Variants in DRP2 observed in about 807,000 individuals in gnomAD.
DRP2 encodes dystrophin related protein 2, also known as dystrophin-related protein 2.
Under a neutral mutation model 78.2 loss-of-function variants are expected in DRP2, and 29 were observed. That is an observed-to-expected ratio of 0.37 (90% CI 0.28 to 0.51). DRP2 has a LOEUF of 0.51. Among genes scored for constraint, DRP2 ranks in the 20% least tolerant of loss-of-function variants. The probability of loss-of-function intolerance (pLI) is 0.94; values close to 1 mark genes in which losing one functional copy is unlikely to be tolerated. For missense variants in DRP2, 686 were observed against 770.6 expected (o/e 0.89, Z 1.30); for synonymous variants, 290 against 281.9 (o/e 1.03, Z -0.29).
At chrX:101,238,324 G>A (rs1276513982) in intron 5 of DRP2, among the ~76,000 whole-genome samples, 2 of 111,357 alleles carry the variant, frequency 1.8e-5, no homozygotes, top group African/African-American at 3.3e-5. Context: ...CTATAACCAC[G>A]TGCCACAGCA....
intron 10 of DRP2, 56 bp from the exon 11 acceptor site, chrX:101,245,332 G>A: frequency 9.1e-7 from 1 of 1,093,680 alleles, no homozygotes; most frequent in Non-Finnish European, 1.2e-6. Flanking sequence ...GCACATCTGA[G>A]TGTGGGGGTG....
Position 101,242,358 on chromosome X carries a change from G to A in DRP2, c.862G>A (p.Gly288Arg), listed in dbSNP as rs769890866. The A allele has an allele frequency of 1.7e-6, 2 of 1,211,175 alleles. No individual in the cohort carries two copies. The highest frequency in any genetic ancestry group is 1.1e-6 in the Non-Finnish European group (1 of 895,369). Reference protein sequence around the residue: ...FKEEFSPMKDGVKLVNDLAHQ... With the variant: ...FKEEFSPMKDRVKLVNDLAHQ... ...AGAAGAATTCTCCCCCATGAAAGAT[G>A]GAGTAAAGTTGGTGAATGATCTGGC... is the stretch of plus-strand genomic sequence containing the variant. The change falls in exon 8 of 24, where the codon GGA (glycine) becomes AGA (arginine). Residue 288 changes from glycine (G) to arginine (R), a missense_variant. Transcript: ENST00000395209.
At chrX:101,224,855 G>C (rs2147327672) in intron 2 of DRP2, 149 bp downstream of exon 2, 1 of 112,508 alleles carries the variant, frequency 8.9e-6, no homozygotes, top group Non-Finnish European at 1.9e-5. Context: ...ATAATGCTGT[G>C]ATATGTCTCA....
Position 101,261,635 on chromosome X carries a change from C to G in DRP2, c.*1014C>G, listed in dbSNP as rs1244393684. ...AGGTGAGGTGGCTGATTGTCCCCAGCTAATCATAAGGCATTTGCAACTGGC... is the reference window on the plus strand; with the variant it reads ...AGGTGAGGTGGCTGATTGTCCCCAGGTAATCATAAGGCATTTGCAACTGGC... On this transcript the variant is annotated 3_prime_UTR_variant, in exon 24 of 24. Transcript: ENST00000395209. 1.8e-5 allele frequency: 2 copies of G among 112,165 alleles called. No individual in the cohort carries two copies. The highest frequency in any genetic ancestry group is 1.9e-4 in the Admixed American group (2 of 10,575). 9.2% of individuals were successfully genotyped at this position (112,165 alleles called of 1,213,427 possible).
chrX:101,236,784 T>G (rs1448389658), intron 4 of DRP2, among the ~76,000 whole-genome samples: 1 of 112,510 alleles, frequency 8.9e-6, no homozygotes, highest in Non-Finnish European at 1.9e-5. Flanking sequence ...GGGAACCTAC[T>G]TACCCTTTCT....
At chrX:101,247,608 A>G (rs1922976090) in intron 12 of DRP2, among the ~76,000 whole-genome samples, 1 of 111,638 alleles carries the variant, frequency 9.0e-6, no homozygotes, top group South Asian at 3.8e-4. Flanking sequence ...TGGCTCAGGC[A>G]TGTCTGGCTA....
intron 14 of DRP2, 89 bp downstream of exon 14, chrX:101,248,688 C>T (rs1459299899): frequency 2.2e-5 from 18 of 824,831 alleles, no homozygotes; most frequent in Non-Finnish European, 3.2e-5. Flanking sequence ...GCAGAAAGTA[C>T]ATCTTGTGAC....
chrX:101,252,777 C>A, intron 17 of DRP2, 61 bp downstream of exon 17: 1 of 943,107 alleles, frequency 1.1e-6, no homozygotes, highest in Non-Finnish European at 1.5e-6. Flanking sequence ...GGCCTTGATC[C>A]ACTTTGCCCA....
Position 101,262,575 on chromosome X carries a change from C to G in DRP2, c.*1954C>G, listed in dbSNP as rs1272018057. On this transcript the variant is annotated 3_prime_UTR_variant, in exon 24 of 24. Coordinates refer to ENST00000395209, the MANE Select transcript of DRP2 (RefSeq NM_001939.3). The stretch of plus-strand genomic sequence containing the variant: ...AGAACTGCTAGGAACCTAGTTTGAT[C>G]TGCTGCAGGGGAGGCAGGGCAGTGG... 1 of 111,045 alleles carries G rather than the reference C, an allele frequency of 9.0e-6. No homozygotes were observed. The highest frequency in any genetic ancestry group is 2.9e-4 in the East Asian group (1 of 3,506). 9.2% of individuals were successfully genotyped at this position (111,045 alleles called of 1,213,427 possible).
At chrX:101,227,714 CA>C (rs763698340) in intron 2 of DRP2, among the ~76,000 whole-genome samples, 1 of 112,192 alleles carries the variant, frequency 8.9e-6, no homozygotes, top group Non-Finnish European at 1.9e-5. Flanking sequence ...AGGTCACAGT[CA>C]GGGGCAAAGT....
intron 14 of DRP2, 131 bp from the exon 15 acceptor site, chrX:101,250,292 T>A: frequency 1.1e-6 from 1 of 900,646 alleles, no homozygotes. Context: ...TAGACCTCTA[T>A]GTAGTCCAGT....
chrX:101,260,139 G>A lies in DRP2; in HGVS notation c.2719G>A (p.Gly907Arg), dbSNP rs575075803. Residue 907 changes from glycine to arginine, a missense_variant, in exon 23 of 24, where the codon GGA becomes AGA. By Grantham distance (125) the Gly-to-Arg change is moderately radical (BLOSUM62 -2). Coordinates refer to ENST00000395209, the MANE Select transcript of DRP2 (RefSeq NM_001939.3). ...QSEGSHPREK[G>R]QTTPDTEAAD... ...AGAAGGCAGTCACCCCCGGGAGAAG[G>A]GACAGACTACTCCAGATACCGAGGC... 31 of 1,209,275 alleles carry A rather than the reference G, an allele frequency of 2.6e-5. No individual in the cohort carries two copies. In the South Asian group the frequency reaches 5.1e-4, roughly 20 times the overall value.
At chrX:101,222,271 A>T (rs1921919115) in intron 1 of DRP2, among the ~76,000 whole-genome samples, 1 of 111,818 alleles carries the variant, frequency 8.9e-6, no homozygotes. Context: ...TATGGAAAAC[A>T]CTTTTTGCCT....
rs771476479 is a variant in DRP2, at chrX:101,235,912, C to T, written c.170C>T (p.Pro57Leu). 21 of 1,211,601 alleles carry T rather than the reference C, an allele frequency of 1.7e-5. No individual in the cohort carries two copies. Among genetic ancestry groups the T allele is most frequent in the South Asian group, 3.5e-5 (2 of 56,937 alleles). ...CCTCCTCAAGATGGTGCTGGGGTTC[C>T]CTGCCTAAGCCTAAAGCTGTTGAAC... ...PAPPQDGAGV[P>L]CLSLKLLNGS... Residue 57 changes from proline (P) to leucine (L), a missense_variant, in exon 4 of 24, where the codon CCC becomes CTC. Pro to Leu is a moderately conservative substitution (Grantham distance 98, BLOSUM62 -3). Around this residue, in one of 2 missense-constraint regions of DRP2, gnomAD observed 263 missense variants for 239.1 expected, o/e 1.10. Coordinates refer to ENST00000395209, the MANE Select transcript of DRP2 (RefSeq NM_001939.3).
intron 21 of DRP2, among the ~76,000 whole-genome samples, chrX:101,256,602 G>A (rs1396925399): frequency 9.3e-6 from 1 of 107,371 alleles, no homozygotes; most frequent in Non-Finnish European, 1.9e-5. Flanking sequence ...AGGCTGGAGT[G>A]CAGTGTCGTG....
At chrX:101,233,803 T>C (rs1407671909) in intron 3 of DRP2, among the ~76,000 whole-genome samples, 1 of 111,800 alleles carries the variant, frequency 8.9e-6, no homozygotes, top group Non-Finnish European at 1.9e-5. Context: ...ATGGAACTGC[T>C]GGGTCCCAGT....
chrX:101,230,906 A>C (rs6523467), intron 2 of DRP2, among the ~76,000 whole-genome samples: 44,634 of 110,493 alleles, frequency 0.4, 7,475 homozygotes, highest in African/African-American at 0.6. Flanking sequence ...CCCATAAACA[A>C]TTCCATTATG....
Position 101,242,429 on chromosome X carries a change from C to T in DRP2, c.933C>T (p.Ser311=). 3 of 1,211,441 alleles carry T rather than the reference C, an allele frequency of 2.5e-6. No homozygotes were observed. The highest frequency in any genetic ancestry group is 3.4e-6 in the Non-Finnish European group (3 of 895,470). ...ATGTGCACTTGTCAATGGAGAATTC[C>T]CAGGCCCTGGAACAGATCAACGTCC... is the stretch of plus-strand genomic sequence containing the variant. The part of the protein sequence containing the change: ...ISDVHLSMEN[S]QALEQINVRW... The change falls in exon 8 of 24, where the codon TCC becomes TCT. Residue 311 remains serine, a synonymous_variant. Transcript: ENST00000395209.
chrX:101,259,572 C>T (rs1024706788), intron 22 of DRP2, among the ~76,000 whole-genome samples: 1 of 111,756 alleles, frequency 8.9e-6, no homozygotes, highest in African/African-American at 3.3e-5. Flanking sequence ...GATCTCAGCT[C>T]ACTGCAACCT....
Sources: allele counts gnomAD v4.1 joint callset (sites outside exome capture counted in the v4.1 genomes callset), GRCh38; gene constraint gnomAD v4.1.1; regional missense constraint gnomAD v4.1.1; transcripts MANE v1.5; gene names NCBI Gene and HGNC (gene_info 2026-07-23, HGNC 2026-07-21).